CYP4A22: variants seen among roughly 807,000 people sequenced by gnomAD.
CYP4A22 encodes cytochrome P450 4A22.
CYP4A22 carries 46 observed loss-of-function variants against 56.2 expected under a neutral mutation model. The ratio of observed to expected loss-of-function variants is 0.82; its 90% CI spans 0.65 to 1.05. The LOEUF is 1.05. Ranked by LOEUF, CYP4A22 falls within the 50% of genes least tolerant of loss-of-function variation. The pLI is 0.00. For synonymous variants in CYP4A22, 193 were observed against 251.1 expected, an observed-to-expected ratio of 0.77 and a Z score of 2.19; for missense variants, 541 against 645.9, an observed-to-expected ratio of 0.84 and a Z score of 1.76.
At chr1:47,148,139 C>A (rs1232350423) in intron 11 of CYP4A22, among the ~76,000 whole-genome samples, 6 of 152,158 alleles carry the variant, frequency 3.9e-5, no homozygotes, top group Non-Finnish European at 7.3e-5. Context: ...ATCGGGGACC[C>A]CCTATGAGGA....
rs770666322 is a variant in CYP4A22 at position 47,142,187 on chromosome 1, C to A, written c.462C>A (p.Ile154=). The A allele has an allele frequency of 6.2e-7, 1 of 1,613,878 alleles. No individual in the cohort carries two copies. Among genetic ancestry groups the A allele is most frequent in the East Asian group, 2.2e-5 (1 of 44,880 alleles). ...TGACCCCAGCCTTCCACAATGACAT[C>A]CTGAAGCCATACGTGGGGCTCATGG... is the stretch of plus-strand genomic sequence containing the variant. The part of the protein sequence containing the change: ...RMLTPAFHND[I]LKPYVGLMAD... Residue 154 remains isoleucine, a synonymous_variant, in exon 4 of 12, where the codon ATC becomes ATA. Transcript: ENST00000371891.
chr1:47,144,147 G>A (rs1343943118), intron 6 of CYP4A22, among the ~76,000 whole-genome samples: 4 of 152,194 alleles, frequency 2.6e-5, no homozygotes. Context: ...TGTCCAAACA[G>A]CATTCAAGAG....
At chr1:47,147,475 T>C in intron 11 of CYP4A22, 1 of 944,290 alleles carries the variant, frequency 1.1e-6, no homozygotes, top group Non-Finnish European at 1.3e-6. Flanking sequence ...AAATGTGTTG[T>C]ACAGAAATAT....
rs752306468 is a variant in CYP4A22 at position 47,148,658 on chromosome 1, C to A, written c.1421C>A (p.Thr474Asn). Residue 474 changes from threonine (T) to asparagine (N), a missense_variant, in exon 12 of 12, where the codon ACC (threonine) becomes AAC (asparagine). Physicochemically the swap from Thr to Asn is moderately conservative, Grantham distance 65. This residue lies in a region of CYP4A22 where 204 missense variants were observed against 258.9 expected (regional missense o/e 0.79). Coordinates refer to ENST00000371891, the MANE Select transcript of CYP4A22 (RefSeq NM_001010969.4). The part of the protein sequence containing the change: ...MNQLKVARAL[T>N]LLRFELLPDP... Reference sequence around the variant, plus strand: ...CAGCTGAAGGTGGCCAGGGCCCTGACCCTGCTCCGCTTTGAGCTGCTGCCT... The same window carrying A: ...CAGCTGAAGGTGGCCAGGGCCCTGAACCTGCTCCGCTTTGAGCTGCTGCCT... The A allele has an allele frequency of 3.7e-6, 6 of 1,613,988 alleles. No homozygotes were observed. The highest frequency in any genetic ancestry group is 5.1e-6 in the Non-Finnish European group (6 of 1,179,980).
rs548070377 is a variant in CYP4A22 at position 47,144,289 on chromosome 1, G to A, written c.791-68G>A. On this transcript the variant is annotated intron_variant, in intron 6 of 11. Coordinates refer to ENST00000371891, the MANE Select transcript of CYP4A22 (RefSeq NM_001010969.4). ...ACCAGGCACCCACACTGGGGCAGTT[G>A]GGCAGCTAGGCCTCCTGGGGGCTGC... is the stretch of plus-strand genomic sequence containing the variant. 3.7e-5 allele frequency: 58 copies of A among 1,569,016 alleles called. No homozygotes were observed. The East Asian group carries it at 6.1e-4, about 16-fold the overall frequency.
At position 47,148,687 on chromosome 1, in the gene CYP4A22, C is replaced by T. The variant is rs757113433; in HGVS notation, c.1450C>T (p.Pro484Ser). The T allele has an allele frequency of 1.7e-5, 27 of 1,613,996 alleles. No individual in the cohort carries two copies. The highest frequency in any genetic ancestry group is 2.2e-5 in the Non-Finnish European group (26 of 1,179,992). ...GCTCCGCTTTGAGCTGCTGCCTGAT[C>T]CCACCAGGATCCCCATCCCCATGGC... ...TLLRFELLPD[P>S]TRIPIPMARL... The change falls in exon 12 of 12, where the codon CCC becomes TCC. Residue 484 changes from proline (P) to serine (S), a missense_variant. Around this residue, in one of 3 missense-constraint regions of CYP4A22, gnomAD observed 204 missense variants for 258.9 expected, o/e 0.79. Coordinates refer to ENST00000371891, the MANE Select transcript of CYP4A22 (RefSeq NM_001010969.4).
chr1:47,141,812 T>C (rs1435859550), intron 3 of CYP4A22, among the ~76,000 whole-genome samples, 197 bp downstream of exon 3: 2 of 152,206 alleles, frequency 1.3e-5, no homozygotes, highest in African/African-American at 4.8e-5. Flanking sequence ...GCTTCTTCCA[T>C]TTCATGTCTC....
Position 47,148,705 on chromosome 1 carries a change from C to T in CYP4A22, c.1468C>T (p.Pro490Ser), listed in dbSNP as rs1317225997. 1.9e-6 allele frequency: 3 copies of T among 1,613,992 alleles called. No homozygotes were observed. In the African/African-American group the frequency reaches 4.0e-5, roughly 22 times the overall value. Residue 490 changes from proline to serine, a missense_variant, in exon 12 of 12, where the codon CCC becomes TCC. By Grantham distance (74) the Pro-to-Ser change is moderately conservative. Coordinates refer to ENST00000371891, the MANE Select transcript of CYP4A22 (RefSeq NM_001010969.4). ...GCCTGATCCCACCAGGATCCCCATC[C>T]CCATGGCACGACTTGTGTTGAAATC... is the stretch of plus-strand genomic sequence containing the variant. ...LLPDPTRIPI[P>S]MARLVLKSKN...
chr1:47,141,534 C>G, intron 2 of CYP4A22, 37 bp from the exon 3 acceptor site: 1 of 1,609,292 alleles, frequency 6.2e-7, no homozygotes, highest in South Asian at 1.1e-5. Context: ...TTCTTAGTAA[C>G]TCCTAGTTTC....
At chr1:47,139,081 C>T (rs2148553049) in intron 1 of CYP4A22, among the ~76,000 whole-genome samples, 1 of 152,340 alleles carries the variant, frequency 6.6e-6, no homozygotes, top group Admixed American at 6.5e-5. Flanking sequence ...CCTCTTTTAC[C>T]ATATGTTACT....
chr1:47,141,469 G>A lies in CYP4A22; in HGVS notation c.338-102G>A, dbSNP rs1569801055. 1.8e-5 allele frequency: 24 copies of A among 1,345,896 alleles called. 1 individual carries two copies. The highest frequency in any genetic ancestry group is 2.3e-5 in the Non-Finnish European group (22 of 964,828). 83.4% of individuals were successfully genotyped at this position (1,345,896 alleles called of 1,614,324 possible). ...ATGGGAGTCAAGTGGGAGGTGACAT[G>A]GGTCAAACTGCCAACTGACAGACAC... On this transcript the variant is annotated intron_variant, in intron 2 of 11. Transcript: ENST00000371891.
At chr1:47,140,948 C>T (rs1160487816) in intron 2 of CYP4A22, 27 bp downstream of exon 2, 2 of 1,612,344 alleles carry the variant, frequency 1.2e-6, no homozygotes, top group East Asian at 2.2e-5. Flanking sequence ...ATCCCAACTG[C>T]AATTTCTCTT....
intron 11 of CYP4A22, 147 bp downstream of exon 11, chr1:47,146,300 G>T (rs978814466): frequency 9.6e-6 from 15 of 1,555,352 alleles, no homozygotes; most frequent in Non-Finnish European, 1.2e-5. Flanking sequence ...GGCACCTGGT[G>T]TGGGCGTCTC....
chr1:47,140,287 C>CT (rs1352794556), intron 1 of CYP4A22, among the ~76,000 whole-genome samples: 4 of 152,136 alleles, frequency 2.6e-5, no homozygotes, highest in Non-Finnish European at 2.9e-5. Context: ...TATAGTTAAT[C>CT]TTTTTTTGCT....
chr1:47,137,468 T>C lies in CYP4A22; in HGVS notation c.-18T>C. ...AGAGAGAGGAAGGGGCACTCAGAGATCCAGCAGGTGCTGCACCATGAGTGT... is the reference window on the plus strand; with the variant it reads ...AGAGAGAGGAAGGGGCACTCAGAGACCCAGCAGGTGCTGCACCATGAGTGT... On this transcript the variant is annotated 5_prime_UTR_variant, in exon 1 of 12. Transcript: ENST00000371891. 1 of 1,600,274 alleles carries C rather than the reference T, an allele frequency of 6.2e-7. No homozygotes were observed. The highest frequency in any genetic ancestry group is 8.5e-7 in the Non-Finnish European group (1 of 1,172,542).
rs1645060395 is a variant in CYP4A22, at chr1:47,144,984, C to T, written c.1222+14C>T. 1 of 1,613,844 alleles carries T rather than the reference C, an allele frequency of 6.2e-7. No individual in the cohort carries two copies. On this transcript the variant is annotated intron_variant, in intron 9 of 11. Transcript: ENST00000371891. ...CCTTGCCCAAAGGTATGAAGTTTCC[C>T]CACCCTCTCACCCAAAGTCTCCACG...
chr1:47,147,898 A>T (rs993942914), intron 11 of CYP4A22, among the ~76,000 whole-genome samples: 6 of 152,108 alleles, frequency 3.9e-5, no homozygotes, highest in African/African-American at 1.2e-4. Flanking sequence ...TTCAGTGTGC[A>T]GGGAGGGGAA....
In CYP4A22 at chr1:47,142,156, G is replaced by T. The variant is rs781758484; in HGVS notation, c.431G>T (p.Arg144Leu). 1.9e-6 allele frequency: 3 copies of T among 1,613,840 alleles called. No individual in the cohort carries two copies. The highest frequency in any genetic ancestry group is 1.7e-5 in the Admixed American group (1 of 59,988). ...LNGQTWFQHR[R>L]MLTPAFHNDI... ...GGGCAGACATGGTTCCAGCATCGAC[G>T]GATGCTGACCCCAGCCTTCCACAAT... Residue 144 changes from arginine to leucine, a missense_variant, in exon 4 of 12, where the codon CGG (arginine) becomes CTG (leucine). This residue lies in a region of CYP4A22 where 335 missense variants were observed against 361.2 expected (regional missense o/e 0.93). Transcript: ENST00000371891.
chr1:47,147,883 G>A (rs1391226224), intron 11 of CYP4A22, among the ~76,000 whole-genome samples: 1 of 152,204 alleles, frequency 6.6e-6, no homozygotes, highest in Non-Finnish European at 1.5e-5. Flanking sequence ...GAGCTGGGCT[G>A]TGGCTTCAGT....
Sources: allele counts gnomAD v4.1 joint callset (sites outside exome capture counted in the v4.1 genomes callset), GRCh38; gene constraint gnomAD v4.1.1; regional missense constraint gnomAD v4.1.1; transcripts MANE v1.5; gene names NCBI Gene and HGNC (gene_info 2026-07-23, HGNC 2026-07-21).